The following PCSK5 variants were observed in gnomAD, a reference collection of about 807,000 sequenced individuals.
The protein encoded by PCSK5 is prohormone convertase 5.
In PCSK5, 129 loss-of-function variants were observed where a neutral mutation model predicts 233.2. The ratio of observed to expected loss-of-function variants is 0.55; its 90% confidence interval spans 0.48 to 0.64. The LOEUF (loss-of-function observed/expected upper bound fraction) is 0.64. PCSK5 is among the 30% of genes least tolerant of loss of function. The pLI, the probability that PCSK5 is intolerant of heterozygous loss-of-function variation, is 0.00. For synonymous variants in PCSK5, 825 were observed against 879.2 expected (o/e 0.94, Z 1.09); for missense variants, 2,076 against 2,430.1 (o/e 0.85, Z 3.06).
chr9:76,302,422 C>A (rs1408434018), intron 28 of PCSK5, among the ~76,000 whole-genome samples: 5 of 152,128 alleles, frequency 3.3e-5, no homozygotes, highest in African/African-American at 1.2e-4. Context: ...GTGAGAAGTT[C>A]CGCAGTGGAG....
chr9:76,005,649 A>G (rs1217055936), intron 3 of PCSK5, among the ~76,000 whole-genome samples: 1 of 152,174 alleles, frequency 6.6e-6, no homozygotes, highest in Non-Finnish European at 1.5e-5. Flanking sequence ...GACCTTGTAC[A>G]CATACTTTGT....
At chr9:76,329,963 G>A (rs1036705590) in intron 33 of PCSK5, among the ~76,000 whole-genome samples, 9 of 151,968 alleles carry the variant, frequency 5.9e-5, no homozygotes, top group African/African-American at 2.2e-4. Context: ...TGTATCCTCC[G>A]AGAGTCACAC....
chr9:76,132,703 G>A (rs1822807747), intron 9 of PCSK5, among the ~76,000 whole-genome samples: 1 of 151,982 alleles, frequency 6.6e-6, no homozygotes, highest in Admixed American at 6.6e-5. Context: ...CCAGGCACAA[G>A]GTTAAGTACT....
intron 24 of PCSK5, among the ~76,000 whole-genome samples, chr9:76,290,127 C>G (rs1433854776): frequency 6.6e-6 from 1 of 152,194 alleles, no homozygotes; most frequent in Non-Finnish European, 1.5e-5. Context: ...GTAAAGTAAG[C>G]TGCCCAAATA....
intron 9 of PCSK5, among the ~76,000 whole-genome samples, chr9:76,115,193 C>G (rs759026346): frequency 2.0e-5 from 3 of 152,062 alleles, no homozygotes; most frequent in Non-Finnish European, 4.4e-5. Flanking sequence ...AAGAAAGTCT[C>G]TGGGCCTACA....
intron 9 of PCSK5, among the ~76,000 whole-genome samples, chr9:76,132,334 T>C (rs1436080541): frequency 3.3e-5 from 5 of 152,100 alleles, no homozygotes; most frequent in African/African-American, 1.2e-4. Context: ...TCAGGTTCTA[T>C]AATTGATTCC....
At chr9:76,321,825 A>C (rs1829214519) in intron 31 of PCSK5, among the ~76,000 whole-genome samples, 186 bp downstream of exon 31, 1 of 152,158 alleles carries the variant, frequency 6.6e-6, no homozygotes. Flanking sequence ...TGGATGCTGC[A>C]AGTTAAGACA....
intron 5 of PCSK5, among the ~76,000 whole-genome samples, chr9:76,040,455 T>C (rs1388101452): frequency 6.6e-6 from 1 of 151,052 alleles, no homozygotes; most frequent in Admixed American, 6.6e-5. Flanking sequence ...TTTTTATTGA[T>C]CCTTAGCTTC....
chr9:76,292,210 T>G, intron 24 of PCSK5, 23 bp from the exon 25 acceptor site: 1 of 1,428,668 alleles, frequency 7.0e-7, no homozygotes, highest in Non-Finnish European at 9.7e-7. Flanking sequence ...TGATTATTAC[T>G]TTTTATTATT....
At chr9:76,037,212 T>A (rs1473666174) in intron 5 of PCSK5, among the ~76,000 whole-genome samples, 1 of 152,012 alleles carries the variant, frequency 6.6e-6, no homozygotes, top group African/African-American at 2.4e-5. Context: ...GACACAAGAC[T>A]GGGAAAGCTT....
chr9:76,314,441 C>G (rs188854619), intron 30 of PCSK5, among the ~76,000 whole-genome samples: 7 of 152,260 alleles, frequency 4.6e-5, no homozygotes, highest in Admixed American at 4.6e-4. Flanking sequence ...CACATAATAT[C>G]CAGTTTATCT....
rs141043792 is a variant in PCSK5 at position 75,967,830 on chromosome 9, C to T, written c.298-18302C>T. ...AGGCTGGAGTGCAATGGTATGATCT[C>T]GGCTCACCACAACCTCCGCCTCCCC... On this transcript the variant is annotated intron_variant, in intron 2 of 37. Transcript: ENST00000674117. Among the ~76,000 whole-genome samples, 1,146 of 151,370 alleles carry T rather than the reference C, an allele frequency of 7.6e-3. 7 individuals are homozygous for T. The highest frequency in any genetic ancestry group is 0.012 in the Non-Finnish European group (819 of 67,916).
At chr9:75,949,633 T>C (rs1202828648) in intron 2 of PCSK5, among the ~76,000 whole-genome samples, 6 of 152,046 alleles carry the variant, frequency 3.9e-5, no homozygotes, top group Non-Finnish European at 8.8e-5. Context: ...GTTCAAGCAA[T>C]TCCCCTGCCC....
At chr9:75,891,514 T>TGC (rs576573404) in intron 1 of PCSK5, 141 bp downstream of exon 1, 15,572 of 595,210 alleles carry the variant, frequency 0.026, 221 homozygotes, top group Non-Finnish European at 0.03. Flanking sequence ...CTCTGTCTCC[T>TGC]GCGCGCGCGC....
At chr9:76,126,624 C>A (rs1587661400) in intron 9 of PCSK5, among the ~76,000 whole-genome samples, 1 of 151,782 alleles carries the variant, frequency 6.6e-6, no homozygotes, top group Non-Finnish European at 1.5e-5. Context: ...AAAAAAAAAA[C>A]CGTTTTTTAC....
chr9:76,021,586 A>C (rs1015349149), intron 3 of PCSK5, among the ~76,000 whole-genome samples: 6 of 152,238 alleles, frequency 3.9e-5, no homozygotes, highest in Admixed American at 2.6e-4. Context: ...ATGTTCATAA[A>C]AATGTAGAAG....
chr9:76,232,061 T>G (rs1367196058), intron 21 of PCSK5, among the ~76,000 whole-genome samples: 2 of 152,184 alleles, frequency 1.3e-5, no homozygotes, highest in African/African-American at 4.8e-5. Flanking sequence ...CTATTCAGGA[T>G]GCCTTGTCCC....
At chr9:76,157,334 T>C (rs1436767866) in intron 11 of PCSK5, among the ~76,000 whole-genome samples, 172 bp downstream of exon 11, 1 of 152,186 alleles carries the variant, frequency 6.6e-6, no homozygotes, top group Non-Finnish European at 1.5e-5. Flanking sequence ...GTTAAATTCG[T>C]ACTAGTATAG....
intron 5 of PCSK5, among the ~76,000 whole-genome samples, chr9:76,041,628 T>A (rs1201999249): frequency 6.6e-6 from 1 of 151,796 alleles, no homozygotes; most frequent in Non-Finnish European, 1.5e-5. Flanking sequence ...GATCACGAGG[T>A]CAAGAGATCA....
Sources: gnomAD v4.1 joint callset for allele counts (sites outside exome capture counted in the v4.1 genomes callset) on GRCh38, gnomAD v4.1.1 for gene constraint, MANE v1.5 for transcripts, NCBI Gene and HGNC (gene_info 2026-07-23, HGNC 2026-07-21) for gene names.